Variants in XPO7 observed in about 807,000 individuals in gnomAD.
XPO7 encodes exportin 7.
Under a neutral mutation model 144.3 loss-of-function variants are expected in XPO7, and 21 were observed. The ratio of observed to expected loss-of-function variants is 0.15; its 90% confidence interval spans 0.10 to 0.21. The LOEUF is 0.21. Among genes scored for constraint, XPO7 ranks in the 10% least tolerant of loss-of-function variants. The pLI, the probability that XPO7 is intolerant of heterozygous loss-of-function variation, is 1.00. For missense variants in XPO7, 808 were observed against 1,325.8 expected, an observed-to-expected ratio of 0.61 and a Z score of 6.06; for synonymous variants, 580 against 499.6, an observed-to-expected ratio of 1.16 and a Z score of -2.15.
chr8:21,956,215 AG>A (rs1404801936), intron 1 of XPO7, among the ~76,000 whole-genome samples: 2 of 152,126 alleles, frequency 1.3e-5, no homozygotes, highest in Non-Finnish European at 2.9e-5. Flanking sequence ...CTCTTTCTCT[AG>A]AGGATTTCGC....
At chr8:21,954,682 G>C (rs947281982) in intron 1 of XPO7, among the ~76,000 whole-genome samples, 12 of 152,026 alleles carry the variant, frequency 7.9e-5, no homozygotes, top group Admixed American at 4.6e-4. Context: ...ATGTGCACCG[G>C]CCCAACAGTG....
rs763507877 is a variant in XPO7, at chr8:21,955,042, C to T, written c.19-11815C>T. On this transcript the variant is annotated intron_variant, in intron 1 of 27. Transcript: ENST00000252512. ...AGTTTTTAGGGAAATGGTAATATAG[C>T]AGGAAAGTTTATTTACATACATGGT... Among the ~76,000 whole-genome samples, 121 of 152,156 alleles carry T rather than the reference C, an allele frequency of 8.0e-4. 1 individual carries two copies. The highest frequency in any genetic ancestry group is 2.4e-4 in the Non-Finnish European group (16 of 68,014).
chr8:21,997,010 G>A (rs1812975060), intron 21 of XPO7, among the ~76,000 whole-genome samples: 1 of 152,132 alleles, frequency 6.6e-6, no homozygotes, highest in Non-Finnish European at 1.5e-5. Flanking sequence ...GTTTCTCCGT[G>A]TTGGTCATGC....
intron 1 of XPO7, among the ~76,000 whole-genome samples, chr8:21,921,032 C>A (rs1266374500): frequency 6.6e-6 from 1 of 152,008 alleles, no homozygotes; most frequent in Admixed American, 6.6e-5. Context: ...GTTGTCAGGA[C>A]AGAATTATAG....
At chr8:21,998,177 C>T (rs1813015326) in intron 21 of XPO7, among the ~76,000 whole-genome samples, 1 of 152,200 alleles carries the variant, frequency 6.6e-6, no homozygotes, top group Non-Finnish European at 1.5e-5. Flanking sequence ...CACGGTGGCT[C>T]ACGCCTGTAA....
At chr8:21,999,906 T>C (rs1038639840) in intron 24 of XPO7, among the ~76,000 whole-genome samples, 4 of 152,180 alleles carry the variant, frequency 2.6e-5, no homozygotes, top group African/African-American at 9.7e-5. Flanking sequence ...ATTAACAGCA[T>C]ATAGTCCCTG....
chr8:21,941,618 A>G (rs888264825), intron 1 of XPO7, among the ~76,000 whole-genome samples: 2 of 152,244 alleles, frequency 1.3e-5, no homozygotes, highest in East Asian at 1.9e-4. Context: ...TTTTCAATCC[A>G]TGGTTGGTTG....
chr8:21,994,146 C>G (rs1212530098), intron 19 of XPO7, among the ~76,000 whole-genome samples: 1 of 152,124 alleles, frequency 6.6e-6, no homozygotes. Context: ...TAACAAACTT[C>G]CAAAGCTAAC....
At chr8:21,969,252 G>T (rs927958449) in intron 2 of XPO7, among the ~76,000 whole-genome samples, 7 of 152,134 alleles carry the variant, frequency 4.6e-5, no homozygotes, top group Non-Finnish European at 1.0e-4. Flanking sequence ...GATTCAGCTT[G>T]ATCAGACGGT....
chr8:21,991,723 T>A, intron 18 of XPO7, 145 bp from the exon 19 acceptor site: 1 of 551,106 alleles, frequency 1.8e-6, no homozygotes, highest in South Asian at 2.7e-5. Flanking sequence ...ATGTTGCTCT[T>A]ACATTGCTAC....
intron 1 of XPO7, among the ~76,000 whole-genome samples, chr8:21,920,101 G>A (rs1810221298): frequency 6.6e-6 from 1 of 151,914 alleles, no homozygotes; most frequent in African/African-American, 2.4e-5. Flanking sequence ...GGAGGCCTCC[G>A]TCAAGTCCTC....
At chr8:22,001,516 T>C (rs1365154045) in intron 24 of XPO7, among the ~76,000 whole-genome samples, 1 of 152,134 alleles carries the variant, frequency 6.6e-6, no homozygotes, top group Non-Finnish European at 1.5e-5. Flanking sequence ...CCAGAGATGC[T>C]TTGGAGATAA....
rs1170364778 is a variant in XPO7, at chr8:21,989,821, CTTTTTTTTTTTTTTTT to C, written c.1869-492_1869-477del. On this transcript the variant is annotated intron_variant, in intron 16 of 27. Coordinates refer to ENST00000252512, the MANE Select transcript of XPO7 (RefSeq NM_015024.5). ...AATAGGAGTTTGGTATAGGTGTTTC[CTTTTTTTTTTTTTTTT>C]TTTTTTTTTTTTTTTTTTTTTTTTT... Among the ~76,000 whole-genome samples, 50 of 59,674 alleles carry C rather than the reference CTTTTTTTTTTTTTTTT, an allele frequency of 8.4e-4. 5 individuals carry two copies. Among genetic ancestry groups the C allele is most frequent in the African/African-American group, 1.0e-3 (21 of 20,656 alleles). 39.1% of individuals were successfully genotyped at this position (59,674 alleles called of 152,430 possible).
At chr8:21,946,482 G>A (rs1811190793) in intron 1 of XPO7, among the ~76,000 whole-genome samples, 2 of 150,608 alleles carry the variant, frequency 1.3e-5, no homozygotes, top group African/African-American at 4.9e-5. Flanking sequence ...GGGCGACAAA[G>A]GACATGAAAA....
intron 8 of XPO7, among the ~76,000 whole-genome samples, chr8:21,978,322 C>T (rs898939437): frequency 6.6e-6 from 1 of 152,188 alleles, no homozygotes; most frequent in Non-Finnish European, 1.5e-5. Flanking sequence ...CCATAATTAA[C>T]CTAAAACCTC....
At chr8:21,981,520 T>C (rs111461246) in intron 9 of XPO7, among the ~76,000 whole-genome samples, 22 of 152,140 alleles carry the variant, frequency 1.4e-4, no homozygotes, top group African/African-American at 4.6e-4. Context: ...TGTGAACATA[T>C]GAGATAATAA....
At chr8:21,944,789 G>C (rs2462854) in intron 1 of XPO7, among the ~76,000 whole-genome samples, 1 of 152,086 alleles carries the variant, frequency 6.6e-6, no homozygotes, top group African/African-American at 2.4e-5. Context: ...GGGTACTTGA[G>C]ATTAGGGAGT....
rs1305301001 is a variant in XPO7 at position 22,003,959 on chromosome 8, G to A, written c.3099G>A (p.Gln1033=). Residue 1033 remains glutamine, a synonymous_variant, in exon 27 of 28, where the codon CAG becomes CAA. Transcript: ENST00000252512. ...ACAGCCAGCCACCGGAGAAGCAGCA[G>A]GCCATGCACCTGTGTTTTGAGAACC... is the stretch of plus-strand genomic sequence containing the variant. ...IVNSQPPEKQ[Q]AMHLCFENLM... The A allele has an allele frequency of 3.7e-6, 6 of 1,613,840 alleles. No individual in the cohort carries two copies. The highest frequency in any genetic ancestry group is 5.1e-6 in the Non-Finnish European group (6 of 1,179,892).
chr8:21,984,267 A>G (rs1047533758), intron 11 of XPO7, among the ~76,000 whole-genome samples: 2 of 152,128 alleles, frequency 1.3e-5, no homozygotes, highest in African/African-American at 2.4e-5. Context: ...CCTGGCCACA[A>G]TGGCCTCCCA....
Sources: gnomAD v4.1 joint callset for allele counts (sites outside exome capture counted in the v4.1 genomes callset) on GRCh38, gnomAD v4.1.1 for gene constraint, MANE v1.5 for transcripts, NCBI Gene and HGNC (gene_info 2026-07-23, HGNC 2026-07-21) for gene names.